Variants in SOS1 observed in about 807,000 individuals in gnomAD.
SOS1 encodes SOS Ras/Rac guanine nucleotide exchange factor 1.
SOS1 carries 25 observed loss-of-function variants against 157.6 expected under a neutral mutation model. That is an observed-to-expected ratio of 0.16 (90% CI 0.12 to 0.22). The LOEUF (loss-of-function observed/expected upper bound fraction) is 0.22, where lower values mean the gene tolerates loss of function less well. Among genes scored for constraint, SOS1 ranks in the 10% least tolerant of loss-of-function variants. SOS1 has a pLI of 1.00. For missense variants in SOS1, 1,237 were observed against 1,599.1 expected, an observed-to-expected ratio of 0.77 and a Z score of 3.86; for synonymous variants, 528 against 534.0, an observed-to-expected ratio of 0.99 and a Z score of 0.16.
chr2:39,112,130 T>C (rs947110419), intron 1 of SOS1, among the ~76,000 whole-genome samples: 2 of 151,980 alleles, frequency 1.3e-5, no homozygotes, highest in African/African-American at 4.8e-5. Context: ...AATCCATTAT[T>C]TCTCTTATAT....
At position 39,013,815 on chromosome 2, in the gene SOS1, T is replaced by G. The variant is rs548881698; in HGVS notation, c.2063+52A>C. On this transcript the variant is annotated intron_variant, in intron 12 of 22. Coordinates refer to ENST00000402219, the MANE Select transcript of SOS1 (RefSeq NM_005633.4). Reference sequence around the variant, plus strand: ...GGAAAGGTCCTTATATACTTCAACATTGAAACGAAAGTTTGATAAAGACTT... The same window carrying G: ...GGAAAGGTCCTTATATACTTCAACAGTGAAACGAAAGTTTGATAAAGACTT... The G allele has an allele frequency of 3.2e-6, 5 of 1,543,866 alleles. No individual in the cohort carries two copies. In the East Asian group the frequency reaches 1.1e-4, roughly 35 times the overall value.
At chr2:39,062,729 A>G (rs1040454492) in intron 2 of SOS1, among the ~76,000 whole-genome samples, 1 of 152,042 alleles carries the variant, frequency 6.6e-6, no homozygotes, top group African/African-American at 2.4e-5. Flanking sequence ...AGTCCAGTCA[A>G]GTAAAGAACA....
intron 1 of SOS1, among the ~76,000 whole-genome samples, chr2:39,110,053 T>C (rs1004491567): frequency 1.9e-4 from 28 of 150,660 alleles, no homozygotes; most frequent in African/African-American, 3.9e-4. Flanking sequence ...TGTGTGTGTG[T>C]GTGTGTGTGT....
At chr2:39,010,407 A>G (rs1558467834) in intron 15 of SOS1, among the ~76,000 whole-genome samples, 177 bp downstream of exon 15, 1 of 151,792 alleles carries the variant, frequency 6.6e-6, no homozygotes, top group East Asian at 1.9e-4. Flanking sequence ...CTGGAGGCTG[A>G]GGTGGGAGGA....
In SOS1 at chr2:39,061,891, A is replaced by C. The variant is rs566123086; in HGVS notation, c.214-3087T>G. On this transcript the variant is annotated intron_variant, in intron 2 of 22. Coordinates refer to ENST00000402219, the MANE Select transcript of SOS1 (RefSeq NM_005633.4). Reference sequence around the variant, plus strand: ...AAGATTCACCTCTATTATTAGCAGAACCCTGTCTTCTCCTTTACATAATAA... The same window carrying C: ...AAGATTCACCTCTATTATTAGCAGACCCCTGTCTTCTCCTTTACATAATAA... Among the ~76,000 whole-genome samples the C allele has an allele frequency of 6.2e-4, 94 of 152,250 alleles. 2 individuals are homozygous for C. The South Asian group carries it at 0.018, about 30-fold the overall frequency.
At chr2:39,026,097 C>T (rs1248988042) in intron 8 of SOS1, among the ~76,000 whole-genome samples, 1 of 152,088 alleles carries the variant, frequency 6.6e-6, no homozygotes, top group Admixed American at 6.6e-5. Flanking sequence ...TGGTTCATGC[C>T]TGTAATCCCA....
chr2:39,007,400 ACAGT>A, intron 15 of SOS1: 1 of 559,906 alleles, frequency 1.8e-6, no homozygotes. Flanking sequence ...CTAGACTGGT[ACAGT>A]CAAACAATCA....
chr2:39,054,616 T>G lies in SOS1; in HGVS notation c.718A>C (p.Asn240His). 6.5e-7 allele frequency: 1 copy of G among 1,529,592 alleles called. No homozygotes were observed. Among genetic ancestry groups the G allele is most frequent in the East Asian group, 2.3e-5 (1 of 44,372 alleles). 94.8% of individuals were successfully genotyped at this position (1,529,592 alleles called of 1,614,324 possible). Residue 240 changes from asparagine (N) to histidine (H), a missense_variant and splice_region_variant, in exon 5 of 23, where the codon AAT (asparagine) becomes CAT (histidine). Coordinates refer to ENST00000402219, the MANE Select transcript of SOS1 (RefSeq NM_005633.4). Reference sequence around the variant, plus strand: ...GGCATATATACAATGATACTTACATTAGCTGAAAACAATTTTGAATTGGAG... The same window carrying G: ...GGCATATATACAATGATACTTACATGAGCTGAAAACAATTTTGAATTGGAG... ...FVSNSKLFSA[N>H]DVENIFSRIV... is the part of the protein sequence containing the mutation.
intron 22 of SOS1, among the ~76,000 whole-genome samples, chr2:38,987,135 T>C (rs1011101747): frequency 2.0e-4 from 31 of 152,214 alleles, no homozygotes; most frequent in Non-Finnish European, 4.6e-4. Context: ...GTTTGACTTA[T>C]AATGTGCCTT....
intron 1 of SOS1, among the ~76,000 whole-genome samples, chr2:39,084,369 T>C (rs1481285178): frequency 1.3e-5 from 2 of 152,134 alleles, no homozygotes; most frequent in Non-Finnish European, 2.9e-5. Flanking sequence ...CATATACATA[T>C]ATACACGTGT....
At chr2:38,992,381 A>G (rs1668761820) in intron 20 of SOS1, 1 of 152,244 alleles carries the variant, frequency 6.6e-6, no homozygotes, top group Non-Finnish European at 1.5e-5. Context: ...TATCATAAAC[A>G]AAGAGAAATT....
chr2:39,015,274 T>C (rs1351190239), intron 10 of SOS1, among the ~76,000 whole-genome samples: 3 of 151,794 alleles, frequency 2.0e-5, no homozygotes, highest in African/African-American at 7.3e-5. Flanking sequence ...GGATGACTTA[T>C]CTAGCTTTCT....
chr2:39,079,480 T>C (rs1672128834), intron 1 of SOS1, among the ~76,000 whole-genome samples: 2 of 146,592 alleles, frequency 1.4e-5, no homozygotes, highest in South Asian at 4.3e-4. Context: ...CCTTTAAAAG[T>C]GTTCGAATTT....
intron 15 of SOS1, among the ~76,000 whole-genome samples, chr2:39,010,333 AAAAG>A (rs1318750660): frequency 3.7e-4 from 56 of 151,768 alleles, no homozygotes; most frequent in East Asian, 7.7e-4. Context: ...AAAAAAAAGA[AAAAG>A]AAAGAAAGAA....
chr2:39,004,211 CA>C (rs1441973691), intron 17 of SOS1, among the ~76,000 whole-genome samples: 2 of 151,920 alleles, frequency 1.3e-5, no homozygotes, highest in African/African-American at 4.8e-5. Context: ...GTCAGGAGAT[CA>C]AGACCATCTT....
At chr2:39,041,304 C>T (rs2124575508) in intron 6 of SOS1, among the ~76,000 whole-genome samples, 1 of 152,278 alleles carries the variant, frequency 6.6e-6, no homozygotes, top group African/African-American at 2.4e-5. Flanking sequence ...TCTCTAATTT[C>T]TAATGATGTT....
chr2:39,075,267 T>G (rs991723353), intron 1 of SOS1, among the ~76,000 whole-genome samples: 8 of 152,104 alleles, frequency 5.3e-5, no homozygotes, highest in Non-Finnish European at 1.0e-4. Flanking sequence ...ACTATTTTTT[T>G]GGGTGGTGGG....
intron 1 of SOS1, among the ~76,000 whole-genome samples, chr2:39,102,566 G>A (rs148320986): frequency 0.013 from 1,729 of 137,328 alleles, 12 homozygotes; most frequent in African/African-American, 0.02. Flanking sequence ...GAAGAATTCC[G>A]CTTCGTTTTA....
chr2:39,106,027 G>C (rs1673163791), intron 1 of SOS1, among the ~76,000 whole-genome samples: 1 of 151,980 alleles, frequency 6.6e-6, no homozygotes, highest in Non-Finnish European at 1.5e-5. Flanking sequence ...GACCAGCCTG[G>C]GCAACATGGT....
Sources: gnomAD v4.1 joint callset for allele counts (sites outside exome capture counted in the v4.1 genomes callset) on GRCh38, gnomAD v4.1.1 for gene constraint, MANE v1.5 for transcripts, NCBI Gene and HGNC (gene_info 2026-07-23, HGNC 2026-07-21) for gene names.